ADGRF5: variants seen among roughly 807,000 people sequenced by gnomAD.
ADGRF5 encodes the protein G-protein coupled receptor 116.
ADGRF5 carries 75 observed loss-of-function variants against 132.3 expected under a neutral mutation model. That is an observed-to-expected ratio of 0.57 (90% CI 0.47 to 0.69). The LOEUF is 0.69. Ranked by LOEUF, ADGRF5 falls within the 30% of genes least tolerant of loss-of-function variation. The pLI is 0.00. For synonymous variants in ADGRF5, 629 were observed against 597.6 expected (o/e 1.05, Z -0.77); for missense variants, 1,516 against 1,630.6 (o/e 0.93, Z 1.21).
rs1769271668 is a variant in ADGRF5, at chr6:46,858,160, T to C, written c.3743A>G (p.His1248Arg). 2 of 1,613,342 alleles carry C rather than the reference T, an allele frequency of 1.2e-6. No individual in the cohort carries two copies. Among genetic ancestry groups the C allele is most frequent in the Non-Finnish European group, 1.7e-6 (2 of 1,179,554 alleles). ...TVFPGTNLVF[H>R]IIFAILNVFQ... is the part of the protein sequence containing the mutation. ...GACATTGAGGATGGCAAATATGATA[T>C]GGAACACAAGGTTGGTCCCTGGGAA... is the stretch of plus-strand genomic sequence containing the variant. Residue 1248 changes from histidine (H) to arginine (R), a missense_variant, in exon 17 of 21, where the codon CAT (histidine) becomes CGT (arginine). His to Arg is a conservative substitution (Grantham distance 29). Coordinates refer to ENST00000283296, the MANE Select transcript of ADGRF5 (RefSeq NM_001098518.2).
chr6:46,897,238 T>C (rs1298586729), intron 3 of ADGRF5, among the ~76,000 whole-genome samples: 6 of 151,712 alleles, frequency 4.0e-5, no homozygotes, highest in Non-Finnish European at 8.8e-5. Flanking sequence ...TAGAAATTCA[T>C]GGTGTGCTGA....
chr6:46,885,086 C>T (rs1419151430), intron 4 of ADGRF5, among the ~76,000 whole-genome samples: 1 of 151,516 alleles, frequency 6.6e-6, no homozygotes, highest in African/African-American at 2.4e-5. Context: ...CCCAGCTACT[C>T]AGGAGGCTGA....
At position 46,888,484 on chromosome 6, in the gene ADGRF5, G is replaced by A. The variant is rs1054939290; in HGVS notation, c.179C>T (p.Ala60Val). Residue 60 changes from alanine (A) to valine (V), a missense_variant, in exon 4 of 21, where the codon GCT becomes GTT. By Grantham distance (64) the Ala-to-Val change is moderately conservative (BLOSUM62 0). This residue lies in a region of ADGRF5 where 945 missense variants were observed against 929.4 expected (regional missense o/e 1.02). Coordinates refer to ENST00000283296, the MANE Select transcript of ADGRF5 (RefSeq NM_001098518.2). ...KRAVATKSPT[A>V]EEYTVNIEIS... ...CTCAATATTAACAGTGTATTCTTCA[G>A]CCGTAGGACTTTTTGTGGCAACTGC... 3 of 1,613,104 alleles carry A rather than the reference G, an allele frequency of 1.9e-6. No homozygotes were observed. Among genetic ancestry groups the A allele is most frequent in the Admixed American group, 1.7e-5 (1 of 59,968 alleles).
chr6:46,927,016 C>T (rs899958869), intron 1 of ADGRF5, among the ~76,000 whole-genome samples: 10 of 152,122 alleles, frequency 6.6e-5, no homozygotes, highest in Non-Finnish European at 1.5e-4. Flanking sequence ...GATCTGCAAA[C>T]ATCAGGCAGA....
At chr6:46,876,563 T>G (rs1287213284) in intron 10 of ADGRF5, among the ~76,000 whole-genome samples, 1 of 152,180 alleles carries the variant, frequency 6.6e-6, no homozygotes, top group Non-Finnish European at 1.5e-5. Context: ...CCTTTGGAAA[T>G]TACATGTGCT....
At chr6:46,919,362 T>A (rs916006456) in intron 1 of ADGRF5, among the ~76,000 whole-genome samples, 3 of 152,196 alleles carry the variant, frequency 2.0e-5, no homozygotes, top group Admixed American at 2.0e-4. Flanking sequence ...TTCCATTAGA[T>A]GAGAATAAGT....
chr6:46,921,038 G>A (rs1175875845), intron 1 of ADGRF5, among the ~76,000 whole-genome samples: 1 of 152,158 alleles, frequency 6.6e-6, no homozygotes, highest in African/African-American at 2.4e-5. Context: ...TCTGAAATAT[G>A]AGAAAACATG....
chr6:46,948,855 T>C (rs1484447640), intron 1 of ADGRF5, among the ~76,000 whole-genome samples: 1 of 152,122 alleles, frequency 6.6e-6, no homozygotes, highest in Non-Finnish European at 1.5e-5. Context: ...AGGTTCCAGA[T>C]TTTACTCTAG....
At position 46,878,332 on chromosome 6, in the gene ADGRF5, G is replaced by C. The variant is rs1329347395; in HGVS notation, c.1110C>G (p.Ile370Met). 1.9e-6 allele frequency: 3 copies of C among 1,612,820 alleles called. No individual in the cohort carries two copies. The highest frequency in any genetic ancestry group is 1.1e-5 in the South Asian group (1 of 91,052). The change falls in exon 10 of 21, where the codon ATC becomes ATG. Residue 370 changes from isoleucine (I) to methionine (M), a missense_variant. Physicochemically the swap from Ile to Met is conservative, Grantham distance 10. Around this residue, in one of 2 missense-constraint regions of ADGRF5, gnomAD observed 945 missense variants for 929.4 expected, o/e 1.02. Transcript: ENST00000283296. ...TCATTTCTTCATTTGCCAAAATTTG[G>C]ATGGGCATAACATCTATTTTCTTCT... Reference protein sequence around the residue: ...ECKKKIDVMPIQILANEEMKV... With the variant: ...ECKKKIDVMPMQILANEEMKV...
chr6:46,885,886 A>G (rs1404995328), intron 4 of ADGRF5, among the ~76,000 whole-genome samples: 2 of 152,224 alleles, frequency 1.3e-5, no homozygotes, highest in Non-Finnish European at 2.9e-5. Context: ...ATTCTTAACA[A>G]ATATAAATAC....
At chr6:46,948,787 G>A (rs1277024752) in intron 1 of ADGRF5, among the ~76,000 whole-genome samples, 11 of 152,116 alleles carry the variant, frequency 7.2e-5, no homozygotes. Flanking sequence ...GAGTTGGCGG[G>A]CAATCTCCCT....
intron 1 of ADGRF5, among the ~76,000 whole-genome samples, chr6:46,919,731 C>G (rs1401834444): frequency 6.6e-6 from 1 of 152,192 alleles, no homozygotes; most frequent in Non-Finnish European, 1.5e-5. Context: ...CAAAGGCAGG[C>G]AAATTTTACA....
chr6:46,862,764 C>A, intron 15 of ADGRF5, 124 bp downstream of exon 15: 1 of 250,516 alleles, frequency 4.0e-6, no homozygotes, highest in Non-Finnish European at 7.6e-6. Context: ...TGGAAATACA[C>A]AAATAAAAGT....
At chr6:46,926,509 A>G (rs1393654940), upstream of ADGRF5, among the ~76,000 whole-genome samples, 1 of 151,904 alleles carries the variant, frequency 6.6e-6, no homozygotes, top group African/African-American at 2.4e-5. Flanking sequence ...GATTTGAGGT[A>G]TGGTTCGTTG....
At chr6:46,865,954 G>GA (rs1581754964) in intron 13 of ADGRF5, among the ~76,000 whole-genome samples, 1 of 151,894 alleles carries the variant, frequency 6.6e-6, no homozygotes, top group African/African-American at 2.4e-5. Context: ...AATAGTTATT[G>GA]AAAAAATGAA....
At chr6:46,862,144 A>G (rs894737091) in intron 15 of ADGRF5, among the ~76,000 whole-genome samples, 3 of 152,222 alleles carry the variant, frequency 2.0e-5, no homozygotes, top group Admixed American at 6.5e-5. Context: ...TGAAACACAT[A>G]TAAGTATTAC....
intron 3 of ADGRF5, among the ~76,000 whole-genome samples, chr6:46,894,785 C>T (rs1774000418): frequency 6.6e-6 from 1 of 152,220 alleles, no homozygotes; most frequent in Admixed American, 6.5e-5. Flanking sequence ...AAACCCCTAA[C>T]AAAGTGTCTG....
intron 15 of ADGRF5, among the ~76,000 whole-genome samples, chr6:46,862,668 A>G (rs1769900999): frequency 7.5e-6 from 1 of 132,658 alleles, no homozygotes; most frequent in Non-Finnish European, 1.6e-5. Flanking sequence ...TGAGAGCAGA[A>G]CACATACTTA....
chr6:46,870,200 T>C (rs1190067329), intron 11 of ADGRF5, among the ~76,000 whole-genome samples: 1 of 152,160 alleles, frequency 6.6e-6, no homozygotes, highest in Non-Finnish European at 1.5e-5. Flanking sequence ...TCTCATTCTG[T>C]CACCCAGGCT....
Sources: gnomAD v4.1 joint callset for allele counts (sites outside exome capture counted in the v4.1 genomes callset) on GRCh38, gnomAD v4.1.1 for gene constraint, gnomAD v4.1.1 regional missense constraint, MANE v1.5 for transcripts, NCBI Gene and HGNC (gene_info 2026-07-23, HGNC 2026-07-21) for gene names.